The following KATNIP variants were observed in gnomAD, a reference collection of about 807,000 sequenced individuals.
KATNIP encodes katanin-interacting protein.
KATNIP carries 126 observed loss-of-function variants against 174.0 expected under a neutral mutation model. The ratio of observed to expected loss-of-function variants is 0.72; its 90% CI spans 0.63 to 0.84. KATNIP has a LOEUF of 0.84. Ranked by LOEUF, KATNIP falls within the 40% of genes least tolerant of loss-of-function variation. The pLI, the probability that KATNIP is intolerant of heterozygous loss-of-function variation, is 0.00. For missense variants in KATNIP, 1,958 were observed against 2,109.7 expected (o/e 0.93, Z 1.41); for synonymous variants, 810 against 835.7 (o/e 0.97, Z 0.53).
At chr16:27,563,891 TA>T (rs58505514) in intron 1 of KATNIP, among the ~76,000 whole-genome samples, 70 of 66,706 alleles carry the variant, frequency 1.0e-3, no homozygotes, top group Middle Eastern at 0.015. Context: ...TCTAGTAAAT[TA>T]AAAAAAAAAA....
chr16:27,740,033 G>C lies in KATNIP; in HGVS notation c.1744-8G>C. On this transcript the variant is annotated splice_polypyrimidine_tract_variant and splice_region_variant and intron_variant, in intron 14 of 27. Transcript: ENST00000261588. ...GCATCTTCACTTTGTTAAATCTTAT[G>C]GTTTCAGGATCTTGACATTGGTGCC... The C allele has an allele frequency of 6.2e-7, 1 of 1,604,010 alleles. No individual in the cohort carries two copies. The highest frequency in any genetic ancestry group is 8.5e-7 in the Non-Finnish European group (1 of 1,173,836).
chr16:27,710,031 C>T (rs569921781), intron 13 of KATNIP, among the ~76,000 whole-genome samples: 174 of 152,270 alleles, frequency 1.1e-3, no homozygotes, highest in African/African-American at 4.1e-3. Context: ...TCGTGAGGTG[C>T]ACACTCCACA....
chr16:27,589,133 C>T lies in KATNIP; in HGVS notation c.63+15177C>T, dbSNP rs1369965347. 2.6e-5 allele frequency among the ~76,000 whole-genome samples: 4 copies of T among 151,756 alleles called. No homozygotes were observed. In the East Asian group the frequency reaches 7.7e-4, roughly 29 times the overall value. ...GTTGGCCAGGCTGGTTTCAAACTCC[C>T]CGCCTCAAGTGATCTGCCTGCCTTG... On this transcript the variant is annotated intron_variant, in intron 2 of 27. Transcript: ENST00000261588.
At position 27,724,389 on chromosome 16, in the gene KATNIP, T is replaced by A. The variant is rs144203999; in HGVS notation, c.1743+2694T>A. On this transcript the variant is annotated intron_variant, in intron 14 of 27. Transcript: ENST00000261588. The stretch of plus-strand genomic sequence containing the variant: ...CTCAGGGCAAGGAAAGCAGATTTTA[T>A]GTGCAGGATTACAACAAAGATAAGC... Among the ~76,000 whole-genome samples the A allele has an allele frequency of 2.5e-3, 379 of 152,376 alleles. 2 individuals carry two copies. The highest frequency in any genetic ancestry group is 4.0e-3 in the Non-Finnish European group (271 of 68,038).
rs542523351 is a variant in KATNIP at position 27,554,238 on chromosome 16, C to T, written c.7+4061C>T. ...CAGCACTTTGAGAGGCCAAGGTGGGCGATCACCTGAGGTCGGGAGTTTGAG... is the reference window on the plus strand; with the variant it reads ...CAGCACTTTGAGAGGCCAAGGTGGGTGATCACCTGAGGTCGGGAGTTTGAG... On this transcript the variant is annotated intron_variant, in intron 1 of 27. Transcript: ENST00000261588. Among the ~76,000 whole-genome samples the T allele has an allele frequency of 1.8e-4, 28 of 152,142 alleles. 1 individual carries two copies. The South Asian group carries it at 3.9e-3, about 21-fold the overall frequency.
chr16:27,636,797 C>CT (rs1472062136), intron 5 of KATNIP, among the ~76,000 whole-genome samples: 22 of 152,216 alleles, frequency 1.4e-4, no homozygotes, highest in Admixed American at 1.4e-3. Context: ...TGTAACCACT[C>CT]TGAGCTTTGG....
At chr16:27,613,965 G>A (rs1442766510) in intron 2 of KATNIP, among the ~76,000 whole-genome samples, 2 of 152,150 alleles carry the variant, frequency 1.3e-5, no homozygotes, top group African/African-American at 4.8e-5. Context: ...TGCCCCAGCT[G>A]CAGTGCAGTG....
chr16:27,561,156 C>T (rs550886360), intron 1 of KATNIP, among the ~76,000 whole-genome samples: 13 of 151,706 alleles, frequency 8.6e-5, no homozygotes, highest in African/African-American at 2.2e-4. Flanking sequence ...GGACTACAGG[C>T]GCCCACCACC....
At chr16:27,596,387 GGAGA>G (rs944146338) in intron 2 of KATNIP, among the ~76,000 whole-genome samples, 24 of 152,252 alleles carry the variant, frequency 1.6e-4, no homozygotes, top group African/African-American at 5.3e-4. Flanking sequence ...TCCTGAGATG[GGAGA>G]GAGAGTGAGA....
intron 6 of KATNIP, chr16:27,654,695 G>T: frequency 7.4e-7 from 1 of 1,351,962 alleles, no homozygotes. Context: ...TTCAAGCAGC[G>T]TGGACAAAGA....
intron 2 of KATNIP, among the ~76,000 whole-genome samples, chr16:27,601,270 G>C (rs1325996381): frequency 6.6e-6 from 1 of 152,154 alleles, no homozygotes; most frequent in Non-Finnish European, 1.5e-5. Flanking sequence ...CTGGCGTCCT[G>C]ATGGGGGAGG....
At chr16:27,560,021 C>T (rs866453435) in intron 1 of KATNIP, among the ~76,000 whole-genome samples, 7 of 150,782 alleles carry the variant, frequency 4.6e-5, no homozygotes, top group Admixed American at 3.3e-4. Flanking sequence ...TGGTGGCTCA[C>T]GCCTGCAATC....
Position 27,550,770 on chromosome 16 carries a change from G to C in KATNIP, c.7+593G>C, listed in dbSNP as rs2089321119. Reference sequence around the variant, plus strand: ...ACAGATGATGAAACTGAGGCTCAGAGGTGTTAAGGAACTTGCCCAAAGTCA... The same window carrying C: ...ACAGATGATGAAACTGAGGCTCAGACGTGTTAAGGAACTTGCCCAAAGTCA... On this transcript the variant is annotated intron_variant, in intron 1 of 27. Coordinates refer to ENST00000261588, the MANE Select transcript of KATNIP (RefSeq NM_015202.5). Among the ~76,000 whole-genome samples the C allele has an allele frequency of 2.0e-5, 3 of 152,166 alleles. No homozygotes were observed. The South Asian group carries it at 6.2e-4, about 32-fold the overall frequency.
At chr16:27,662,735 A>T (rs192495003) in intron 6 of KATNIP, among the ~76,000 whole-genome samples, 8 of 152,352 alleles carry the variant, frequency 5.3e-5, no homozygotes, top group Admixed American at 2.6e-4. Flanking sequence ...CTGAATCAAT[A>T]TTAGAATAAC....
intron 5 of KATNIP, among the ~76,000 whole-genome samples, chr16:27,642,769 A>AATTT (rs1282142453): frequency 8.0e-6 from 1 of 125,588 alleles, no homozygotes; most frequent in African/African-American, 2.7e-5. Context: ...TTTTTAAAAA[A>AATTT]TTTTTTTTTT....
chr16:27,777,965 C>T lies in KATNIP; in HGVS notation c.4797C>T (p.Asp1599=). 2 of 1,613,804 alleles carry T rather than the reference C, an allele frequency of 1.2e-6. No individual in the cohort carries two copies. The highest frequency in any genetic ancestry group is 1.7e-6 in the Non-Finnish European group (2 of 1,179,710). ...TNAKRKQSVV[D]PALRPKTCIS... The stretch of plus-strand genomic sequence containing the variant: ...CGAAACGGAAGCAGAGCGTTGTTGA[C>T]CCAGGTCAGTGGCGTTTCTCTGCCC... Residue 1599 remains aspartate (D), a synonymous_variant, in exon 27 of 28, where the codon GAC becomes GAT. Coordinates refer to ENST00000261588, the MANE Select transcript of KATNIP (RefSeq NM_015202.5). This position sits in a 1 kb window ranked among gnomAD's most constrained non-coding sequence, Gnocchi z 4.4.
intron 1 of KATNIP, among the ~76,000 whole-genome samples, chr16:27,558,224 C>T (rs1309648047): frequency 2.0e-5 from 3 of 152,204 alleles, no homozygotes; most frequent in Non-Finnish European, 2.9e-5. Flanking sequence ...CAGCTCACTA[C>T]AGCCTCTGCC....
intron 2 of KATNIP, among the ~76,000 whole-genome samples, chr16:27,587,031 C>T (rs2090930423): frequency 6.6e-6 from 1 of 151,074 alleles, no homozygotes; most frequent in Non-Finnish European, 1.5e-5. Context: ...TGGAACGGTC[C>T]CGGGCAGGCA....
intron 14 of KATNIP, among the ~76,000 whole-genome samples, chr16:27,728,050 A>G (rs1597313149): frequency 6.6e-6 from 1 of 150,964 alleles, no homozygotes; most frequent in East Asian, 1.9e-4. Flanking sequence ...AAACATGTCA[A>G]TGACTTGGAA....
Sources: allele counts gnomAD v4.1 joint callset (sites outside exome capture counted in the v4.1 genomes callset), GRCh38; gene constraint gnomAD v4.1.1; non-coding constraint Gnocchi (gnomAD v3.1); transcripts MANE v1.5; gene names NCBI Gene and HGNC (gene_info 2026-07-23, HGNC 2026-07-21).